TGFA: variants seen among roughly 807,000 people sequenced by gnomAD.
TGFA encodes protransforming growth factor alpha.
TGFA carries 12 observed loss-of-function variants against 21.7 expected under a neutral mutation model. The observed-to-expected ratio is 0.55, with a 90% CI of 0.35 to 0.90. TGFA has a LOEUF of 0.90. Ranked by LOEUF, TGFA falls within the 40% of genes least tolerant of loss-of-function variation. The pLI, the probability that TGFA is intolerant of heterozygous loss-of-function variation, is 0.01. For synonymous variants in TGFA, 79 were observed against 88.1 expected, an observed-to-expected ratio of 0.90 and a Z score of 0.58; for missense variants, 178 against 210.8, an observed-to-expected ratio of 0.84 and a Z score of 0.96.
chr2:70,540,522 C>A (rs538277908), intron 1 of TGFA, among the ~76,000 whole-genome samples: 8 of 152,166 alleles, frequency 5.3e-5, no homozygotes, highest in African/African-American at 1.2e-4. Context: ...ACATCTTACA[C>A]CAAAATCCAC....
intron 1 of TGFA, chr2:70,553,179 C>T: frequency 6.5e-7 from 1 of 1,536,108 alleles, no homozygotes; most frequent in African/African-American, 1.4e-5. Context: ...AAATCCAAAA[C>T]CTACCCCCAA....
In TGFA at chr2:70,553,706, G is replaced by A. The variant is rs782775748; in HGVS notation, c.40+22C>T. 3.7e-5 allele frequency: 49 copies of A among 1,331,110 alleles called. No homozygotes were observed. In the East Asian group the frequency reaches 8.1e-4, roughly 22 times the overall value. The allele number at this position is 1,331,110 out of a possible 1,614,324, so 82.5% of individuals were successfully genotyped here. ...AGCAGGGTGTCGCGCGGCGCAGGGG[G>A]CGCCGCAGCCGGCGTACGTACCCAG... On this transcript the variant is annotated intron_variant, in intron 1 of 5. Transcript: ENST00000295400.
intron 1 of TGFA, among the ~76,000 whole-genome samples, chr2:70,541,334 T>C (rs533120323): frequency 6.0e-4 from 91 of 152,360 alleles, no homozygotes; most frequent in African/African-American, 2.1e-3. Flanking sequence ...CCATATACTG[T>C]AAGCGAAAAG....
intron 2 of TGFA, among the ~76,000 whole-genome samples, chr2:70,499,835 G>A (rs1671684617): frequency 6.6e-6 from 1 of 152,184 alleles, no homozygotes; most frequent in Non-Finnish European, 1.5e-5. Flanking sequence ...CGTTTAGGGA[G>A]AAACCCAGGA....
intron 3 of TGFA, among the ~76,000 whole-genome samples, chr2:70,457,950 A>G (rs1670288912): frequency 6.6e-6 from 1 of 152,160 alleles, no homozygotes; most frequent in South Asian, 2.1e-4. Flanking sequence ...AAACTTTTCT[A>G]AAGAGTTTAT....
Position 70,485,239 on chromosome 2 carries a change from T to TC in TGFA, c.95-19504dup, listed in dbSNP as rs540006813. On this transcript the variant is annotated intron_variant, in intron 2 of 5. Coordinates refer to ENST00000295400, the MANE Select transcript of TGFA (RefSeq NM_003236.4). The stretch of plus-strand genomic sequence containing the variant: ...ATTGATACGCCTACCTTCACAGTCA[T>TC]CCCCCCCCTTTCTTTTTGAGACAGA... 8.7e-4 allele frequency among the ~76,000 whole-genome samples: 132 copies of TC among 151,466 alleles called. 1 individual carries two copies. The highest frequency in any genetic ancestry group is 1.6e-3 in the Non-Finnish European group (106 of 67,820).
intron 1 of TGFA, among the ~76,000 whole-genome samples, chr2:70,524,872 G>T (rs1410912842): frequency 2.0e-5 from 3 of 152,158 alleles, no homozygotes; most frequent in African/African-American, 7.2e-5. Context: ...AGGATCCATG[G>T]GGAGGTTATA....
intron 2 of TGFA, among the ~76,000 whole-genome samples, chr2:70,504,471 TACATACATACATACACACACACACAC>T (rs1671853292): frequency 4.6e-5 from 4 of 87,170 alleles, no homozygotes; most frequent in African/African-American, 1.7e-4. Flanking sequence ...TATACACACA[TACATACATACATACACACACACACAC>T]ACACACACAC....
At chr2:70,500,323 A>G (rs1187221941) in intron 2 of TGFA, among the ~76,000 whole-genome samples, 1 of 152,206 alleles carries the variant, frequency 6.6e-6, no homozygotes, top group Non-Finnish European at 1.5e-5. Context: ...CAGATTTTTA[A>G]TAGTATCAGC....
chr2:70,480,151 A>G (rs1671069008), intron 2 of TGFA, among the ~76,000 whole-genome samples: 1 of 152,244 alleles, frequency 6.6e-6, no homozygotes, highest in South Asian at 2.1e-4. Context: ...GACAACAGGT[A>G]CACACCAAAG....
intron 2 of TGFA, among the ~76,000 whole-genome samples, chr2:70,479,932 A>G (rs1456643193): frequency 6.6e-6 from 1 of 152,218 alleles, no homozygotes; most frequent in African/African-American, 2.4e-5. Flanking sequence ...TTCTCATATG[A>G]TGAAATCCTT....
chr2:70,474,367 C>T (rs181300797), intron 2 of TGFA, among the ~76,000 whole-genome samples: 32 of 152,280 alleles, frequency 2.1e-4, no homozygotes, highest in African/African-American at 7.0e-4. Flanking sequence ...CTATTCAAGT[C>T]CAGAAAGACA....
intron 2 of TGFA, among the ~76,000 whole-genome samples, chr2:70,501,396 G>T (rs1671734627): frequency 6.6e-6 from 1 of 151,580 alleles, no homozygotes; most frequent in Non-Finnish European, 1.5e-5. Context: ...AGTTCTATTT[G>T]TCACCTTCAC....
intron 1 of TGFA, among the ~76,000 whole-genome samples, chr2:70,546,226 A>G (rs1328949644): frequency 6.6e-6 from 1 of 152,240 alleles, no homozygotes; most frequent in Non-Finnish European, 1.5e-5. Context: ...TCTTATAAAA[A>G]ATTAACCAAT....
rs138861488 is a variant in TGFA at position 70,530,308 on chromosome 2, C to G, written c.41-15396G>C. ...TTCCCTTCCAGGGTCTGCCCACCAT[C>G]CCTGAAATATTAATACTTCAGGATG... On this transcript the variant is annotated intron_variant, in intron 1 of 5. Coordinates refer to ENST00000295400, the MANE Select transcript of TGFA (RefSeq NM_003236.4). 2.4e-3 allele frequency among the ~76,000 whole-genome samples: 372 copies of G among 152,336 alleles called. 3 individuals carry two copies. The highest frequency in any genetic ancestry group is 0.013 in the East Asian group (66 of 5,186).
chr2:70,453,690 T>C (rs1370370266), intron 4 of TGFA, among the ~76,000 whole-genome samples: 2 of 152,116 alleles, frequency 1.3e-5, no homozygotes, highest in Non-Finnish European at 2.9e-5. Context: ...GGCCTCAGAA[T>C]TGGGACAAAG....
At chr2:70,502,982 G>A (rs1324335369) in intron 2 of TGFA, among the ~76,000 whole-genome samples, 10 of 152,050 alleles carry the variant, frequency 6.6e-5, no homozygotes, top group Admixed American at 3.9e-4. Flanking sequence ...GTTAAGAAAC[G>A]GAACTAGTTC....
At chr2:70,553,219 G>A (rs1553507098) in intron 1 of TGFA, 1 of 1,536,188 alleles carries the variant, frequency 6.5e-7, no homozygotes, top group Non-Finnish European at 8.7e-7. Flanking sequence ...GAGATCGAGG[G>A]CGCCTCTGCC....
At chr2:70,528,712 T>A (rs1311420312) in intron 1 of TGFA, among the ~76,000 whole-genome samples, 1 of 152,178 alleles carries the variant, frequency 6.6e-6, no homozygotes, top group Non-Finnish European at 1.5e-5. Flanking sequence ...GGGGATAAGT[T>A]ATCAATACAA....
Sources: allele counts gnomAD v4.1 joint callset (sites outside exome capture counted in the v4.1 genomes callset), GRCh38; gene constraint gnomAD v4.1.1; transcripts MANE v1.5; gene names NCBI Gene and HGNC (gene_info 2026-07-23, HGNC 2026-07-21).